The following SLC4A4 variants were observed in gnomAD, a reference collection of about 807,000 sequenced individuals.
The protein encoded by SLC4A4 is electrogenic sodium bicarbonate cotransporter 1.
Under a neutral mutation model 111.5 loss-of-function variants are expected in SLC4A4, and 27 were observed. The observed-to-expected ratio is 0.24, with a 90% CI of 0.18 to 0.33. SLC4A4 has a LOEUF of 0.33. Ranked by LOEUF, SLC4A4 falls within the 10% of genes least tolerant of loss-of-function variation. SLC4A4 has a pLI of 1.00. For missense variants in SLC4A4, 909 were observed against 1,315.5 expected, an observed-to-expected ratio of 0.69 and a Z score of 4.78; for synonymous variants, 443 against 463.4, an observed-to-expected ratio of 0.96 and a Z score of 0.57.
chr4:71,538,184 T>C (rs927842952), intron 18 of SLC4A4, among the ~76,000 whole-genome samples: 1 of 152,098 alleles, frequency 6.6e-6, no homozygotes, highest in Non-Finnish European at 1.5e-5. Flanking sequence ...TCTTTGGAGG[T>C]AAATAAATCT....
intron 3 of SLC4A4, among the ~76,000 whole-genome samples, chr4:71,313,621 A>G (rs1270430721): frequency 2.0e-5 from 3 of 152,236 alleles, no homozygotes; most frequent in Non-Finnish European, 4.4e-5. Context: ...AACACCACGT[A>G]TCTACAGCCA....
At chr4:71,433,814 A>G (rs1329417125) in intron 7 of SLC4A4, among the ~76,000 whole-genome samples, 1 of 152,120 alleles carries the variant, frequency 6.6e-6, no homozygotes, top group Non-Finnish European at 1.5e-5. Context: ...TAAGGTGTTC[A>G]TTCCAACACT....
chr4:71,498,200 G>A (rs1288763910), intron 16 of SLC4A4, among the ~76,000 whole-genome samples: 5 of 152,060 alleles, frequency 3.3e-5, no homozygotes, highest in Admixed American at 2.0e-4. Flanking sequence ...TTTCCTTCCC[G>A]TAATGATGAA....
chr4:71,200,807 T>TAA (rs34721166), intron 1 of SLC4A4, among the ~76,000 whole-genome samples: 87 of 144,816 alleles, frequency 6.0e-4, no homozygotes, highest in South Asian at 4.6e-3. Flanking sequence ...AAAGTATAGT[T>TAA]AAAAAAAAAA....
At chr4:71,097,341 C>A (rs1742585812) in intron 2 of SLC4A4, among the ~76,000 whole-genome samples, 2 of 152,184 alleles carry the variant, frequency 1.3e-5, no homozygotes, top group Admixed American at 1.3e-4. Context: ...CATGTTCCCA[C>A]AAAAGACATG....
intron 14 of SLC4A4, among the ~76,000 whole-genome samples, chr4:71,475,310 G>A (rs1241388176): frequency 6.6e-6 from 1 of 151,784 alleles, no homozygotes; most frequent in East Asian, 1.9e-4. Flanking sequence ...TTGGATGTTG[G>A]CAGAGAAGGT....
At chr4:71,376,952 TAAAG>T (rs1371433590) in intron 6 of SLC4A4, among the ~76,000 whole-genome samples, 8 of 152,160 alleles carry the variant, frequency 5.3e-5, no homozygotes, top group Non-Finnish European at 1.2e-4. Context: ...GGTTGTATAT[TAAAG>T]AGATTTGTAA....
intron 7 of SLC4A4, among the ~76,000 whole-genome samples, chr4:71,407,413 A>G (rs1440990631): frequency 6.6e-6 from 1 of 152,218 alleles, no homozygotes; most frequent in Non-Finnish European, 1.5e-5. Context: ...GTGAGTTTAT[A>G]TCTTAGCTGA....
rs188967192 is a variant in SLC4A4 at position 71,101,623 on chromosome 4, G to A, written c.-2+8831G>A. On this transcript the variant is annotated intron_variant, in intron 2 of 26. Coordinates refer to the SLC4A4 transcript ENST00000649996. Reference sequence around the variant, plus strand: ...GGTGGGTCCCTGACCCCTGACCCCCGAGCAGCCTAACTGGGAGGCAACCCC... The same window carrying A: ...GGTGGGTCCCTGACCCCTGACCCCCAAGCAGCCTAACTGGGAGGCAACCCC... 3.7e-3 allele frequency among the ~76,000 whole-genome samples: 567 copies of A among 152,202 alleles called. 4 individuals are homozygous for A. Among genetic ancestry groups the A allele is most frequent in the Middle Eastern group, 6.8e-3 (2 of 294 alleles).
At chr4:71,298,590 T>G (rs1380270109) in intron 3 of SLC4A4, among the ~76,000 whole-genome samples, 1 of 152,242 alleles carries the variant, frequency 6.6e-6, no homozygotes, top group Non-Finnish European at 1.5e-5. Context: ...GTAGCTCTTC[T>G]GGTAACAGTG....
intron 2 of SLC4A4, among the ~76,000 whole-genome samples, chr4:71,246,545 A>G (rs1030269865): frequency 6.6e-6 from 1 of 152,104 alleles, no homozygotes; most frequent in African/African-American, 2.4e-5. Flanking sequence ...CATTTGAATG[A>G]CCCCTGGTAG....
intron 1 of SLC4A4, among the ~76,000 whole-genome samples, chr4:71,216,469 C>T (rs1250003644): frequency 6.6e-6 from 1 of 152,156 alleles, no homozygotes; most frequent in Non-Finnish European, 1.5e-5. Flanking sequence ...ATGCCTCAGC[C>T]ATGTGCCCAG....
At chr4:71,447,521 T>A in intron 8 of SLC4A4, 125 bp from the exon 9 acceptor site, 1 of 714,518 alleles carries the variant, frequency 1.4e-6, no homozygotes, top group South Asian at 1.5e-5. Context: ...ATATATTACC[T>A]TTGTTTTAAA....
intron 16 of SLC4A4, among the ~76,000 whole-genome samples, chr4:71,510,337 T>A (rs993160406): frequency 1.6e-4 from 25 of 152,214 alleles, no homozygotes; most frequent in African/African-American, 6.0e-4. Flanking sequence ...CAACATAATT[T>A]CTATCACTCT....
At chr4:71,492,523 C>T (rs991113630) in intron 15 of SLC4A4, among the ~76,000 whole-genome samples, 2 of 151,950 alleles carry the variant, frequency 1.3e-5, no homozygotes, top group Non-Finnish European at 2.9e-5. Context: ...CCCCAGTACC[C>T]ATTTACCTAA....
intron 1 of SLC4A4, among the ~76,000 whole-genome samples, chr4:71,082,103 T>C (rs901776250): frequency 1.3e-5 from 2 of 152,114 alleles, no homozygotes; most frequent in Admixed American, 6.5e-5. Flanking sequence ...ATTAGTTGTA[T>C]ATATGTTAAA....
At chr4:71,358,387 T>C (rs1054630628) in intron 6 of SLC4A4, among the ~76,000 whole-genome samples, 3 of 152,002 alleles carry the variant, frequency 2.0e-5, no homozygotes, top group Admixed American at 2.0e-4. Context: ...AGCTGCACTT[T>C]CAGAATAACA....
At chr4:71,506,223 A>G (rs1324531219) in intron 16 of SLC4A4, among the ~76,000 whole-genome samples, 1 of 152,154 alleles carries the variant, frequency 6.6e-6, no homozygotes, top group Non-Finnish European at 1.5e-5. Context: ...TCTGTGAAGA[A>G]TATCAATAGT....
Position 71,357,148 on chromosome 4 carries a change from G to A in SLC4A4, c.691G>A (p.Val231Ile). The change falls in exon 6 of 26, where the codon GTC becomes ATC. Residue 231 changes from valine (V) to isoleucine (I), a missense_variant. Transcript: ENST00000264485. ...GTCCCTGGCTGACATTGGGAAGACA[G>A]TCTCCAGTGCAAGTAGGATGTTTAC... is the stretch of plus-strand genomic sequence containing the variant. ...LRSLADIGKT[V>I]SSASRMFTNP... 6.2e-7 allele frequency: 1 copy of A among 1,614,186 alleles called. No homozygotes were observed. Among genetic ancestry groups the A allele is most frequent in the Non-Finnish European group, 8.5e-7 (1 of 1,180,032 alleles).
Sources: gnomAD v4.1 joint callset for allele counts (sites outside exome capture counted in the v4.1 genomes callset) on GRCh38, gnomAD v4.1.1 for gene constraint, MANE v1.5 for transcripts, NCBI Gene and HGNC (gene_info 2026-07-23, HGNC 2026-07-21) for gene names.